The following MYLK variants were observed in gnomAD, a reference collection of about 807,000 sequenced individuals.
MYLK encodes myosin light chain kinase, smooth muscle.
Under a neutral mutation model 203.4 loss-of-function variants are expected in MYLK, and 106 were observed. The observed-to-expected ratio is 0.52, with a 90% confidence interval of 0.45 to 0.61. The LOEUF (loss-of-function observed/expected upper bound fraction) is 0.61, where lower values mean the gene tolerates loss of function less well. Among genes scored for constraint, MYLK ranks in the 20% least tolerant of loss-of-function variants. The probability of loss-of-function intolerance (pLI) is 0.00; values close to 1 mark genes in which losing one functional copy is unlikely to be tolerated. For missense variants in MYLK, 2,072 were observed against 2,442.3 expected, an observed-to-expected ratio of 0.85 and a Z score of 3.20; for synonymous variants, 867 against 959.5, an observed-to-expected ratio of 0.90 and a Z score of 1.78.
intron 3 of MYLK, among the ~76,000 whole-genome samples, chr3:123,809,518 C>G (rs561322287): frequency 6.6e-6 from 1 of 152,126 alleles, no homozygotes; most frequent in Non-Finnish European, 1.5e-5. Context: ...AAGAGTGAAA[C>G]TTCGTCTAAA....
chr3:123,856,957 A>C (rs542795987), intron 2 of MYLK, among the ~76,000 whole-genome samples: 2 of 152,250 alleles, frequency 1.3e-5, no homozygotes, highest in East Asian at 3.9e-4. Context: ...CAAGAAAAAA[A>C]CAAACAACCC....
chr3:123,652,142 C>T (rs2059235719), intron 24 of MYLK, among the ~76,000 whole-genome samples: 1 of 152,208 alleles, frequency 6.6e-6, no homozygotes, highest in Admixed American at 6.5e-5. Flanking sequence ...TCTTGTCCTG[C>T]CTCTCTTCTA....
chr3:123,830,969 A>G (rs1422579494), intron 3 of MYLK, among the ~76,000 whole-genome samples: 4 of 152,164 alleles, frequency 2.6e-5, no homozygotes, highest in Non-Finnish European at 5.9e-5. Context: ...CTATTATCAC[A>G]CAGGATTTCT....
At chr3:123,810,578 G>C (rs895158247) in intron 3 of MYLK, among the ~76,000 whole-genome samples, 1 of 152,182 alleles carries the variant, frequency 6.6e-6, no homozygotes, top group Non-Finnish European at 1.5e-5. Flanking sequence ...TCTGCCAATG[G>C]GGATGCCAGT....
chr3:123,636,495 C>A (rs998992861), intron 29 of MYLK, among the ~76,000 whole-genome samples: 41 of 152,360 alleles, frequency 2.7e-4, no homozygotes, highest in Non-Finnish European at 4.0e-4. Context: ...GACCCTGGGA[C>A]CAAGCGAGAC....
intron 23 of MYLK, among the ~76,000 whole-genome samples, chr3:123,658,350 G>A (rs1031344445): frequency 6.6e-6 from 1 of 152,174 alleles, no homozygotes. Context: ...AGAACTAGCA[G>A]TACTGCCAAC....
intron 20 of MYLK, among the ~76,000 whole-genome samples, chr3:123,680,021 A>G (rs1387571203): frequency 6.6e-6 from 1 of 152,074 alleles, no homozygotes; most frequent in Non-Finnish European, 1.5e-5. Context: ...GAGGCCTGGC[A>G]CCCACCCCTG....
intron 2 of MYLK, among the ~76,000 whole-genome samples, chr3:123,832,621 C>A (rs1327388703): frequency 6.6e-6 from 1 of 152,116 alleles, no homozygotes; most frequent in Admixed American, 6.5e-5. Context: ...AGGGCAGAGC[C>A]CTGGAGAATA....
chr3:123,766,035 T>C (rs2063690595), intron 4 of MYLK, among the ~76,000 whole-genome samples: 1 of 152,228 alleles, frequency 6.6e-6, no homozygotes, highest in East Asian at 1.9e-4. Flanking sequence ...TTAGTGCCGC[T>C]GAACTGTCCA....
chr3:123,620,735 A>T, intron 31 of MYLK: 1 of 707,786 alleles, frequency 1.4e-6, no homozygotes, highest in Non-Finnish European at 1.8e-6. Flanking sequence ...AAACAATGCC[A>T]GTGATGTGAT....
At chr3:123,624,516 G>C (rs1411806174) in intron 31 of MYLK, 1 of 152,098 alleles carries the variant, frequency 6.6e-6, no homozygotes, top group African/African-American at 2.4e-5. Flanking sequence ...TATAGCCTCA[G>C]CCAAGCAATA....
chr3:123,634,049 A>C (rs2058544478), intron 29 of MYLK, among the ~76,000 whole-genome samples: 1 of 152,120 alleles, frequency 6.6e-6, no homozygotes, highest in Non-Finnish European at 1.5e-5. Flanking sequence ...AGGGGACCAC[A>C]CATCTGCTGA....
chr3:123,640,564 G>A lies in MYLK; in HGVS notation c.4620-60C>T. The A allele has an allele frequency of 6.3e-7, 1 of 1,579,950 alleles. No individual in the cohort carries two copies. The highest frequency in any genetic ancestry group is 1.1e-5 in the South Asian group (1 of 90,218). The stretch of plus-strand genomic sequence containing the variant: ...AGGCTCATGGAGGCCAGGCTGGCAG[G>A]GAGTCTGGCCAGGGTAGGCTGGGGG... On this transcript the variant is annotated intron_variant, in intron 27 of 33. Transcript: ENST00000360304. This position sits in a 1 kb window ranked among gnomAD's most constrained non-coding sequence, Gnocchi z 4.3.
intron 27 of MYLK, among the ~76,000 whole-genome samples, chr3:123,643,468 C>T (rs2058904602): frequency 2.0e-5 from 3 of 152,070 alleles, no homozygotes; most frequent in Non-Finnish European, 4.4e-5. Flanking sequence ...TAGGTTCAAT[C>T]CTATTCAGAT....
chr3:123,830,251 C>T (rs901529908), intron 3 of MYLK, among the ~76,000 whole-genome samples: 5 of 152,196 alleles, frequency 3.3e-5, no homozygotes, highest in African/African-American at 1.2e-4. Context: ...GTTCAGTGTT[C>T]GCTTTGGTCC....
chr3:123,816,840 CAG>C (rs1332584189), intron 3 of MYLK, among the ~76,000 whole-genome samples: 1 of 152,178 alleles, frequency 6.6e-6, no homozygotes, highest in African/African-American at 2.4e-5. Flanking sequence ...ATTCCACAGA[CAG>C]ATCATTTCCG....
At chr3:123,774,641 A>T (rs1195184360) in intron 4 of MYLK, among the ~76,000 whole-genome samples, 1 of 152,184 alleles carries the variant, frequency 6.6e-6, no homozygotes, top group Non-Finnish European at 1.5e-5. Context: ...AAGGCTTCCT[A>T]GTCTTTTGGC....
intron 2 of MYLK, among the ~76,000 whole-genome samples, chr3:123,876,166 A>T (rs781724588): frequency 5.3e-5 from 8 of 152,130 alleles, no homozygotes; most frequent in Non-Finnish European, 1.0e-4. Flanking sequence ...AATATTAGAA[A>T]ATCAAAGTCA....
intron 3 of MYLK, among the ~76,000 whole-genome samples, chr3:123,805,479 A>T (rs1361646421): frequency 6.8e-6 from 1 of 148,098 alleles, no homozygotes; most frequent in Non-Finnish European, 1.5e-5. Flanking sequence ...GGTTTTTCCC[A>T]TAAAAATCTA....
Sources: allele counts gnomAD v4.1 joint callset (sites outside exome capture counted in the v4.1 genomes callset), GRCh38; gene constraint gnomAD v4.1.1; non-coding constraint Gnocchi (gnomAD v3.1); transcripts MANE v1.5; gene names NCBI Gene and HGNC (gene_info 2026-07-23, HGNC 2026-07-21).